DYNC1H1: variants seen among roughly 807,000 people sequenced by gnomAD.
The protein encoded by DYNC1H1 is dynein cytoplasmic 1 heavy chain 1.
In DYNC1H1, 51 loss-of-function variants were observed where a neutral mutation model predicts 527.1. That is an observed-to-expected ratio of 0.10 (90% CI 0.08 to 0.12). DYNC1H1 has a LOEUF of 0.12. Among genes scored for constraint, DYNC1H1 ranks in the 10% least tolerant of loss-of-function variants. The pLI, the probability that DYNC1H1 is intolerant of heterozygous loss-of-function variation, is 1.00. For missense variants in DYNC1H1, 2,771 were observed against 5,971.8 expected (o/e 0.46, Z 17.66); for synonymous variants, 2,189 against 2,278.8 (o/e 0.96, Z 1.12).
At chr14:101,988,636 T>C in intron 9 of DYNC1H1, 67 bp from the exon 10 acceptor site, 1 of 1,607,714 alleles carries the variant, frequency 6.2e-7, no homozygotes, top group South Asian at 1.1e-5. Context: ...TACCACTTTC[T>C]GATTGACTTG....
In DYNC1H1 at chr14:102,039,568, C is replaced by T; in HGVS notation, c.11595+22C>T. On this transcript the variant is annotated intron_variant, in intron 61 of 77. Transcript: ENST00000360184. The surrounding 1 kb of genome is among the most constrained non-coding windows in gnomAD (Gnocchi z 7.0). ...CCAGGTAGAGTGAGGTCCTCAGCCG[C>T]TCCCTGGCGGGGGGGAAGCAGGGTG... 1.2e-6 allele frequency: 2 copies of T among 1,614,238 alleles called. No homozygotes were observed. Among genetic ancestry groups the T allele is most frequent in the Non-Finnish European group, 1.7e-6 (2 of 1,180,036 alleles).
chr14:102,032,238 C>G (rs751061388), intron 51 of DYNC1H1, 34 bp from the exon 52 acceptor site: 2 of 1,612,030 alleles, frequency 1.2e-6, no homozygotes, highest in Non-Finnish European at 1.7e-6. Flanking sequence ...CTTCTCCCAC[C>G]CATCGACCCT....
chr14:102,014,467 T>C (rs184319749), intron 34 of DYNC1H1, among the ~76,000 whole-genome samples: 77 of 151,688 alleles, frequency 5.1e-4, no homozygotes, highest in African/African-American at 1.8e-3. Flanking sequence ...CCGGGAGGCA[T>C]TGCAGTGAGC....
At position 102,002,074 on chromosome 14, in the gene DYNC1H1, A is replaced by G. The variant is rs1186235403; in HGVS notation, c.4542+393A>G. On this transcript the variant is annotated intron_variant, in intron 21 of 77. Coordinates refer to ENST00000360184, the MANE Select transcript of DYNC1H1 (RefSeq NM_001376.5). The surrounding 1 kb of genome is among the most constrained non-coding windows in gnomAD (Gnocchi z 4.4). Reference sequence around the variant, plus strand: ...AGGCGTGAGTCACCACAGCCAGTCAATACTTGTTTTTTTGTTTGTTTGCTT... The same window carrying G: ...AGGCGTGAGTCACCACAGCCAGTCAGTACTTGTTTTTTTGTTTGTTTGCTT... Among the ~76,000 whole-genome samples, 4 of 147,784 alleles carry G rather than the reference A, an allele frequency of 2.7e-5. No individual in the cohort carries two copies. The highest frequency in any genetic ancestry group is 7.5e-5 in the African/African-American group (3 of 39,890).
intron 1 of DYNC1H1, among the ~76,000 whole-genome samples, chr14:101,974,030 T>C (rs1347209664): frequency 6.6e-6 from 1 of 152,226 alleles, no homozygotes; most frequent in Non-Finnish European, 1.5e-5. Flanking sequence ...GAAAAATGAC[T>C]TTCTCAAGGT....
chr14:102,021,567 C>T (rs1449913641), intron 42 of DYNC1H1, among the ~76,000 whole-genome samples: 2 of 152,056 alleles, frequency 1.3e-5, no homozygotes, highest in South Asian at 2.1e-4. Flanking sequence ...CACACAGCAG[C>T]GCAGTCACAG....
chr14:101,964,904 C>A lies in DYNC1H1; in HGVS notation c.213C>A (p.Asp71Glu). ...ALEQMRKFLS[D>E]PQVHTVLVER... The stretch of plus-strand genomic sequence containing the variant: ...AGCAGATGCGCAAGTTCCTTTCGGA[C>A]CCGCAGGTCCACACGGTGCTGGTGG... The change falls in exon 1 of 78, where the codon GAC becomes GAA. Residue 71 changes from aspartate to glutamate, a missense_variant. Transcript: ENST00000360184. This position sits in a 1 kb window ranked among gnomAD's most constrained non-coding sequence, Gnocchi z 5.5. 1 of 1,600,418 alleles carries A rather than the reference C, an allele frequency of 6.2e-7. No individual in the cohort carries two copies. Among genetic ancestry groups the A allele is most frequent in the Admixed American group, 1.7e-5 (1 of 58,212 alleles).
chr14:101,980,719 A>G lies in DYNC1H1; in HGVS notation c.961+169A>G, dbSNP rs17511977. 6.8e-3 allele frequency among the ~76,000 whole-genome samples: 1,036 copies of G among 152,260 alleles called. 16 individuals carry two copies. Among genetic ancestry groups the G allele is most frequent in the African/African-American group, 0.024 (992 of 41,562 alleles). ...TTTCCCTCAGTTCCAAGTAATGAAAATTATTCTCCTACACACTTAGCTTTC... is the reference window on the plus strand; with the variant it reads ...TTTCCCTCAGTTCCAAGTAATGAAAGTTATTCTCCTACACACTTAGCTTTC... On this transcript the variant is annotated intron_variant, in intron 5 of 77. Coordinates refer to ENST00000360184, the MANE Select transcript of DYNC1H1 (RefSeq NM_001376.5).
Position 102,052,139 on chromosome 14 carries a change from GTTTTTC to G in DYNC1H1, c.*1582_*1587del, listed in dbSNP as rs2048820150. The G allele has an allele frequency of 6.6e-6, 1 of 150,528 alleles. No individual in the cohort carries two copies. The highest frequency in any genetic ancestry group is 1.5e-5 in the Non-Finnish European group (1 of 67,506). The allele number at this position is 150,528 out of a possible 1,614,324, so 9.3% of individuals were successfully genotyped here. A position where few individuals can be genotyped will look rare whatever the true frequency, so the allele number is the denominator to read the frequency against. On this transcript the variant is annotated 3_prime_UTR_variant, in exon 78 of 78. Coordinates refer to ENST00000360184, the MANE Select transcript of DYNC1H1 (RefSeq NM_001376.5). The stretch of plus-strand genomic sequence containing the variant: ...CACCGAGTTGAGCCCCTAAACACAT[GTTTTTC>G]TTTTTAGAGACAGGGTCTCACTCGG...
chr14:102,028,666 C>A (rs1001624026), intron 48 of DYNC1H1: 4 of 190,600 alleles, frequency 2.1e-5, no homozygotes, highest in African/African-American at 9.5e-5. Flanking sequence ...CACTTTAGTG[C>A]CCCCACTGAC....
At chr14:101,995,346 T>C in intron 15 of DYNC1H1, 46 bp downstream of exon 15, 1 of 1,611,024 alleles carries the variant, frequency 6.2e-7, no homozygotes. Flanking sequence ...GCGTGGTGGC[T>C]CACGCCTGTA....
Position 102,012,015 on chromosome 14 carries a change from C to A in DYNC1H1, c.6759C>A (p.Ile2253=), listed in dbSNP as rs1595615114. 6.2e-7 allele frequency: 1 copy of A among 1,613,970 alleles called. No homozygotes were observed. The highest frequency in any genetic ancestry group is 8.5e-7 in the Non-Finnish European group (1 of 1,180,040). Residue 2253 remains isoleucine, a synonymous_variant, in exon 33 of 78, where the codon ATC becomes ATA. Transcript: ENST00000360184. The surrounding 1 kb of genome is among the most constrained non-coding windows in gnomAD (Gnocchi z 4.9). The part of the protein sequence containing the change: ...RLEGVEGVAH[I]IDPKAISKDH... ...AGGGTGTGGAAGGTGTGGCCCATAT[C>A]ATCGACCCCAAGGCCATCAGCAAAG...
At chr14:101,974,390 C>T (rs75324791) in intron 1 of DYNC1H1, among the ~76,000 whole-genome samples, 14 of 152,130 alleles carry the variant, frequency 9.2e-5, no homozygotes, top group African/African-American at 1.2e-4. Context: ...TGCGCCATCA[C>T]GCCCAGCCTT....
chr14:102,033,515 T>A lies in DYNC1H1; in HGVS notation c.10413+31T>A. On this transcript the variant is annotated intron_variant, in intron 54 of 77. Coordinates refer to ENST00000360184, the MANE Select transcript of DYNC1H1 (RefSeq NM_001376.5). The surrounding 1 kb of genome is among the most constrained non-coding windows in gnomAD (Gnocchi z 5.6). ...ATTATCATCATTGATCCTCAGCCTT[T>A]CCTGCTGTGGAAGCAGAGATTAACA... 1.2e-6 allele frequency: 2 copies of A among 1,612,040 alleles called. No homozygotes were observed. Among genetic ancestry groups the A allele is most frequent in the Non-Finnish European group, 1.7e-6 (2 of 1,178,802 alleles).
At chr14:101,980,595 G>C (rs2047852368) in intron 5 of DYNC1H1, 45 bp downstream of exon 5, 1 of 1,595,540 alleles carries the variant, frequency 6.3e-7, no homozygotes, top group African/African-American at 1.3e-5. Context: ...TATTGATCTG[G>C]CTTTTACGAG....
In DYNC1H1 at chr14:101,995,448, A is replaced by T; in HGVS notation, c.3564+148A>T. ...AACACGGTGAAATGCTGTCTCTACT[A>T]AAAATACAAAAAATTAGCCGGGTGT... On this transcript the variant is annotated intron_variant, in intron 15 of 77. Transcript: ENST00000360184. The T allele has an allele frequency of 3.0e-6, 3 of 1,001,482 alleles. No homozygotes were observed. In the South Asian group the frequency reaches 4.0e-5, roughly 13 times the overall value. The allele number at this position is 1,001,482 out of a possible 1,614,324, so 62.0% of individuals were successfully genotyped here.
Position 102,051,255 on chromosome 14 carries a change from C to CA in DYNC1H1, c.*705dup, listed in dbSNP as rs76566190. 273 of 142,060 alleles carry CA rather than the reference C, an allele frequency of 1.9e-3. 1 individual carries two copies. The highest frequency in any genetic ancestry group is 0.017 in the Middle Eastern group (5 of 292). The allele number at this position is 142,060 out of a possible 1,614,324, so 8.8% of individuals were successfully genotyped here. A position where few individuals can be genotyped will look rare whatever the true frequency, so the allele number is the denominator to read the frequency against. ...TGGGTGACAGAGCAAGACCCTGTCT[C>CA]AAAAAAAAAAAAAGCTGGGCGTGGT... On this transcript the variant is annotated 3_prime_UTR_variant, in exon 78 of 78. Coordinates refer to ENST00000360184, the MANE Select transcript of DYNC1H1 (RefSeq NM_001376.5).
rs1315657444 is a variant in DYNC1H1 at position 102,012,357 on chromosome 14, A to G, written c.6901A>G (p.Ile2301Val). The part of the protein sequence containing the change: ...VRGELQKRQW[I>V]VFDGDVDPEW... ...AGGCGAGCTGCAGAAGCGCCAGTGG[A>G]TCGTCTTCGATGGCGATGTGGATCC... The change falls in exon 34 of 78, where the codon ATC becomes GTC. Residue 2301 changes from isoleucine to valine, a missense_variant. Ile to Val is a conservative substitution (Grantham distance 29). Transcript: ENST00000360184. The surrounding 1 kb of genome is among the most constrained non-coding windows in gnomAD (Gnocchi z 4.9). 6.2e-7 allele frequency: 1 copy of G among 1,614,234 alleles called. No individual in the cohort carries two copies. Among genetic ancestry groups the G allele is most frequent in the Non-Finnish European group, 8.5e-7 (1 of 1,180,044 alleles).
At chr14:101,973,853 G>C (rs1424279337) in intron 1 of DYNC1H1, among the ~76,000 whole-genome samples, 1 of 152,144 alleles carries the variant, frequency 6.6e-6, no homozygotes, top group African/African-American at 2.4e-5. Flanking sequence ...GAAGGAGCAA[G>C]ATTTTTAAAA....
Sources: allele counts gnomAD v4.1 joint callset (sites outside exome capture counted in the v4.1 genomes callset), GRCh38; gene constraint gnomAD v4.1.1; non-coding constraint Gnocchi (gnomAD v3.1); transcripts MANE v1.5; gene names NCBI Gene and HGNC (gene_info 2026-07-23, HGNC 2026-07-21).